GUF1: variants seen among roughly 807,000 people sequenced by gnomAD.
GUF1 encodes GTP binding elongation factor GUF1, also known as translation factor GUF1, mitochondrial.
A neutral mutation model predicts 82.4 loss-of-function variants in GUF1; 78 were observed. The ratio of observed to expected loss-of-function variants is 0.95; its 90% CI spans 0.79 to 1.14. The LOEUF (loss-of-function observed/expected upper bound fraction) is 1.14. Among genes scored for constraint, GUF1 ranks in the 50% most tolerant of loss-of-function variants. GUF1 has a pLI of 0.00. For missense variants in GUF1, 814 were observed against 798.2 expected (o/e 1.02, Z -0.24); for synonymous variants, 279 against 282.3 (o/e 0.99, Z 0.12).
At position 44,689,843 on chromosome 4, in the gene GUF1, G is replaced by T; in HGVS notation, c.1203G>T (p.Arg401Ser). The change falls in exon 11 of 17, where the codon AGG (arginine) becomes AGT (serine). Residue 401 changes from arginine (R) to serine (S), a missense_variant and splice_region_variant. By Grantham distance (110) the Arg-to-Ser change is moderately radical. Transcript: ENST00000281543. ...DSSLALGAGWRLGFLGLLHME... is the reference protein window; with the variant it reads ...DSSLALGAGWSLGFLGLLHME... ...TGGAGTTTGTCTTTTCCTCCCCCAG[G>T]CTAGGATTTCTTGGACTTTTGCACA... is the stretch of plus-strand genomic sequence containing the variant. 1 of 1,597,654 alleles carries T rather than the reference G, an allele frequency of 6.3e-7. No individual in the cohort carries two copies. The highest frequency in any genetic ancestry group is 1.3e-5 in the African/African-American group (1 of 74,086).
At chr4:44,686,070 C>A in intron 7 of GUF1, 47 bp downstream of exon 7, 1 of 1,238,122 alleles carries the variant, frequency 8.1e-7, no homozygotes, top group South Asian at 1.2e-5. Flanking sequence ...TTTAATAGTT[C>A]AAAAACTGTC....
rs76836376 is a variant in GUF1, at chr4:44,700,552, G to A, written c.*1871G>A. The stretch of plus-strand genomic sequence containing the variant: ...GTACACCTTACACATACTGATTGAT[G>A]TCTCATGTCTCTCTAAAATGTGTAA... On this transcript the variant is annotated 3_prime_UTR_variant, in exon 17 of 17. Transcript: ENST00000281543. 1.3e-5 allele frequency: 2 copies of A among 152,004 alleles called. No individual in the cohort carries two copies. The highest frequency in any genetic ancestry group is 4.8e-5 in the African/African-American group (2 of 41,366). The allele number at this position is 152,004 out of a possible 1,614,324, so 9.4% of individuals were successfully genotyped here.
intron 13 of GUF1, 198 bp from the exon 14 acceptor site, chr4:44,694,214 T>C (rs1415419300): frequency 3.9e-6 from 2 of 509,364 alleles, no homozygotes; most frequent in Admixed American, 8.1e-5. Context: ...CCCTTGCTTT[T>C]GCCCTTGATT....
At chr4:44,694,574 T>C in intron 14 of GUF1, 61 bp downstream of exon 14, 3 of 1,079,668 alleles carry the variant, frequency 2.8e-6, no homozygotes, top group African/African-American at 1.6e-5. Context: ...TTTTCATTTA[T>C]TTTTGTTTGA....
Position 44,689,297 on chromosome 4 carries a change from C to T in GUF1, c.1090C>T (p.Leu364=). The change falls in exon 10 of 17, where the codon CTA becomes TTA. Residue 364 remains leucine (L), a synonymous_variant. Transcript: ENST00000281543. The stretch of plus-strand genomic sequence containing the variant: ...CATTGTATCCCCAGGAATGTATCCT[C>T]TAGACCAATCTGAATATAACAATCT... The part of the protein sequence containing the change: ...KPMVFAGMYP[L]DQSEYNNLKS... 1.2e-6 allele frequency: 2 copies of T among 1,603,908 alleles called. No homozygotes were observed. The highest frequency in any genetic ancestry group is 1.7e-6 in the Non-Finnish European group (2 of 1,174,382).
In GUF1 at chr4:44,683,318, G is replaced by A. The variant is rs1714875829; in HGVS notation, c.669G>A (p.Lys223=). The stretch of plus-strand genomic sequence containing the variant: ...ATATTCCAAGTGATGAATGTATTAA[G>A]GTAAAATACGTTCCTAAAAAGATTA... ...VFDIPSDECI[K]ISAKLGTNVE... Residue 223 remains lysine (K), a splice_region_variant and synonymous_variant, in exon 6 of 17, where the codon AAG becomes AAA. Transcript: ENST00000281543. The A allele has an allele frequency of 1.3e-6, 2 of 1,502,010 alleles. No individual in the cohort carries two copies. The highest frequency in any genetic ancestry group is 1.8e-6 in the Non-Finnish European group (2 of 1,106,494). 93.0% of individuals were successfully genotyped at this position (1,502,010 alleles called of 1,614,324 possible).
chr4:44,691,018 TAC>T (rs1715406508), intron 12 of GUF1, among the ~76,000 whole-genome samples, 158 bp downstream of exon 12: 1 of 151,684 alleles, frequency 6.6e-6, no homozygotes, highest in Non-Finnish European at 1.5e-5. Flanking sequence ...TAGATATGTA[TAC>T]TTTTTAAATT....
Position 44,678,794 on chromosome 4 carries a change from G to A in GUF1, c.165+7G>A. On this transcript the variant is annotated splice_region_variant and intron_variant, in intron 1 of 16. Transcript: ENST00000281543. ...CAGCTCCGCAGAATTCAAGGTGACT[G>A]CCCCCTGGAATCTGATTTAGCCAAG... is the stretch of plus-strand genomic sequence containing the variant. 1 of 1,549,260 alleles carries A rather than the reference G, an allele frequency of 6.5e-7. No individual in the cohort carries two copies. The highest frequency in any genetic ancestry group is 1.2e-5 in the South Asian group (1 of 80,830).
In GUF1 at chr4:44,678,715, G is replaced by A; in HGVS notation, c.93G>A (p.Arg31=). Residue 31 remains arginine, a synonymous_variant, in exon 1 of 17, where the codon CGG becomes CGA. Transcript: ENST00000281543. The part of the protein sequence containing the change: ...GAALLVAPGP[R]SAPTLGAAPE... ...CGCTTCTGGTGGCCCCGGGGCCCCGGTCCGCGCCGACCCTTGGGGCTGCTC... is the reference window on the plus strand; with the variant it reads ...CGCTTCTGGTGGCCCCGGGGCCCCGATCCGCGCCGACCCTTGGGGCTGCTC... 1 of 1,512,552 alleles carries A rather than the reference G, an allele frequency of 6.6e-7. No individual in the cohort carries two copies. Among genetic ancestry groups the A allele is most frequent in the Non-Finnish European group, 8.7e-7 (1 of 1,144,062 alleles). 93.7% of individuals were successfully genotyped at this position (1,512,552 alleles called of 1,614,324 possible). A position where few individuals can be genotyped will look rare whatever the true frequency, so the allele number is the denominator to read the frequency against.
At chr4:44,690,909 A>C (rs987431881) in intron 12 of GUF1, 49 bp downstream of exon 12, 14 of 1,371,900 alleles carry the variant, frequency 1.0e-5, no homozygotes, top group African/African-American at 1.5e-5. Context: ...AGTCCTCTGA[A>C]ATAGTGATTT....
rs183888731 is a variant in GUF1, at chr4:44,698,624, C to A, written c.1953C>A (p.Asn651Lys). ...EGKKKLRKIG[N>K]VEVPKDAFIK... ...AAAAAAAGCTGAGGAAAATTGGCAACGTTGAAGTTCCAAAAGATGCTTTTA... is the reference window on the plus strand; with the variant it reads ...AAAAAAAGCTGAGGAAAATTGGCAAAGTTGAAGTTCCAAAAGATGCTTTTA... The change falls in exon 17 of 17, where the codon AAC (asparagine) becomes AAA (lysine). Residue 651 changes from asparagine (N) to lysine (K), a missense_variant. Asn to Lys is a moderately conservative substitution (Grantham distance 94, BLOSUM62 0). Coordinates refer to ENST00000281543, the MANE Select transcript of GUF1 (RefSeq NM_021927.3). 1.2e-6 allele frequency: 2 copies of A among 1,609,368 alleles called. No homozygotes were observed. Among genetic ancestry groups the A allele is most frequent in the Non-Finnish European group, 1.7e-6 (2 of 1,178,360 alleles).
intron 7 of GUF1, 110 bp from the exon 8 acceptor site, chr4:44,686,400 T>G: frequency 3.4e-6 from 2 of 588,910 alleles, no homozygotes; most frequent in Non-Finnish European, 5.6e-6. Context: ...TAGGCTGTTG[T>G]GTATCAAACT....
chr4:44,692,273 C>A (rs983609219), intron 13 of GUF1, among the ~76,000 whole-genome samples: 3 of 151,940 alleles, frequency 2.0e-5, no homozygotes, highest in Non-Finnish European at 2.9e-5. Context: ...TTTTGAGGAA[C>A]AGGTTGTCCT....
chr4:44,692,072 A>G (rs1383043235), intron 13 of GUF1, among the ~76,000 whole-genome samples: 1 of 151,818 alleles, frequency 6.6e-6, no homozygotes, highest in Non-Finnish European at 1.5e-5. Context: ...GAAGAGCTGT[A>G]TTCCTTGTCT....
intron 7 of GUF1, among the ~76,000 whole-genome samples, chr4:44,686,235 G>T (rs1715041696): frequency 6.6e-6 from 1 of 152,010 alleles, no homozygotes; most frequent in African/African-American, 2.4e-5. Context: ...AAAGATGATT[G>T]ATAGAGGTCT....
At chr4:44,684,539 C>T (rs1714943664) in intron 6 of GUF1, among the ~76,000 whole-genome samples, 1 of 152,048 alleles carries the variant, frequency 6.6e-6, no homozygotes, top group South Asian at 2.1e-4. Context: ...ATTAACCAGT[C>T]ATTCAGGTAG....
rs150899257 is a variant in GUF1, at chr4:44,680,751, G to C, written c.335G>C (p.Arg112Pro). The C allele has an allele frequency of 1.9e-6, 3 of 1,611,232 alleles. No homozygotes were observed. Among genetic ancestry groups the C allele is most frequent in the Non-Finnish European group, 2.5e-6 (3 of 1,178,030 alleles). The stretch of plus-strand genomic sequence containing the variant: ...GTTCTTGATAAATTGCAAGTGGAAC[G>C]AGAAAGAGGAATCACTGTTAAAGCA... ...KQVLDKLQVE[R>P]ERGITVKAQT... Residue 112 changes from arginine to proline, a missense_variant, in exon 3 of 17, where the codon CGA (arginine) becomes CCA (proline). Physicochemically the swap from Arg to Pro is moderately radical, Grantham distance 103 (BLOSUM62 -2). Transcript: ENST00000281543.
chr4:44,694,300 T>A (rs1271433996), intron 13 of GUF1, 112 bp from the exon 14 acceptor site: 1 of 684,828 alleles, frequency 1.5e-6, no homozygotes, highest in East Asian at 2.7e-5. Context: ...GAAACATATC[T>A]CTTTGGGGAG....
chr4:44,690,912 A>C (rs1019193606), intron 12 of GUF1, 52 bp downstream of exon 12: 1 of 1,333,378 alleles, frequency 7.5e-7, no homozygotes, highest in Non-Finnish European at 1.0e-6. Context: ...CCTCTGAAAT[A>C]GTGATTTCCA....
Sources: allele counts gnomAD v4.1 joint callset (sites outside exome capture counted in the v4.1 genomes callset), GRCh38; gene constraint gnomAD v4.1.1; transcripts MANE v1.5; gene names NCBI Gene and HGNC (gene_info 2026-07-23, HGNC 2026-07-21).